The following POM121C variants were observed in gnomAD, a reference collection of about 807,000 sequenced individuals.
POM121C encodes the protein nuclear envelope pore membrane protein POM 121C.
POM121C carries 20 observed loss-of-function variants against 66.4 expected under a neutral mutation model. The ratio of observed to expected loss-of-function variants is 0.30; its 90% CI spans 0.21 to 0.44. The LOEUF (loss-of-function observed/expected upper bound fraction) is 0.44. Ranked by LOEUF, POM121C falls within the 20% of genes least tolerant of loss-of-function variation. The pLI is 1.00. For synonymous variants in POM121C, 286 were observed against 528.0 expected (o/e 0.54, Z 6.28); for missense variants, 580 against 1,225.7 (o/e 0.47, Z 7.87).
chr7:75,435,133 T>C (rs1790353190), intron 7 of POM121C, among the ~76,000 whole-genome samples: 1 of 152,236 alleles, frequency 6.6e-6, no homozygotes, highest in Non-Finnish European at 1.5e-5. Flanking sequence ...ATGTATTCTT[T>C]GCAGCATTAT....
intron 1 of POM121C, among the ~76,000 whole-genome samples, chr7:75,483,974 C>T (rs1306424032): frequency 1.2e-4 from 19 of 152,132 alleles, no homozygotes; most frequent in Admixed American, 1.3e-4. Flanking sequence ...TGGTGGCCCA[C>T]GCCTGTAATC....
chr7:75,461,173 G>A (rs1286004784), intron 3 of POM121C, among the ~76,000 whole-genome samples: 4 of 152,070 alleles, frequency 2.6e-5, no homozygotes, highest in South Asian at 2.1e-4. Context: ...TCATTACATT[G>A]TAACACTTAA....
At position 75,422,107 on chromosome 7, in the gene POM121C, C is replaced by T. The variant is rs587637748; in HGVS notation, c.2145G>A (p.Pro715=). 5.9e-4 allele frequency: 941 copies of T among 1,602,688 alleles called. 4 individuals are homozygous for T. In the East Asian group the frequency reaches 0.016, roughly 27 times the overall value. ...GGGTAAGGGCTGGCTTGGCGGCCCC[C>T]GGTGGCTGCCCCTCAGCGGCCCCAA... The part of the protein sequence containing the change: ...PAFGAAEGQP[P]GAAKPALTPS... The change falls in exon 13 of 15, where the codon CCG becomes CCA. Residue 715 remains proline (P), a synonymous_variant. Coordinates refer to ENST00000615331, the MANE Select transcript of POM121C (RefSeq NM_001099415.3).
chr7:75,454,598 A>G (rs1198966329), intron 3 of POM121C, among the ~76,000 whole-genome samples: 3 of 152,226 alleles, frequency 2.0e-5, no homozygotes, highest in Admixed American at 1.3e-4. Flanking sequence ...ATCTGGTGAC[A>G]GTAGGGAAAA....
Position 75,485,894 on chromosome 7 carries a change from G to C in POM121C, c.-488C>G, listed in dbSNP as rs1396100298. The C allele has an allele frequency of 4.0e-6, 2 of 503,468 alleles. No homozygotes were observed. The highest frequency in any genetic ancestry group is 2.1e-5 in the African/African-American group (1 of 48,702). 31.2% of individuals were successfully genotyped at this position (503,468 alleles called of 1,614,324 possible). A position where few individuals can be genotyped will look rare whatever the true frequency, so the allele number is the denominator to read the frequency against. ...TGGGGCTCCGCAGCCTCTGCCCCAC[G>C]GCTCCCGAGAGGCCGGGGCGGGCTG... On this transcript the variant is annotated 5_prime_UTR_variant, in exon 1 of 15. Coordinates refer to ENST00000615331, the MANE Select transcript of POM121C (RefSeq NM_001099415.3).
At chr7:75,478,433 A>T (rs1792177128) in intron 1 of POM121C, among the ~76,000 whole-genome samples, 1 of 151,548 alleles carries the variant, frequency 6.6e-6, no homozygotes, top group Admixed American at 6.6e-5. Flanking sequence ...TGGGATGGGA[A>T]AATGGGCAGG....
chr7:75,421,306 G>A (rs1421192690), intron 13 of POM121C: 5 of 1,334,212 alleles, frequency 3.7e-6, no homozygotes, highest in Admixed American at 2.8e-5. Flanking sequence ...TACTCAGAAG[G>A]CCTTTGACCA....
intron 3 of POM121C, among the ~76,000 whole-genome samples, chr7:75,444,210 C>G (rs1262008718): frequency 8.5e-6 from 1 of 117,694 alleles, no homozygotes; most frequent in Non-Finnish European, 1.7e-5. Context: ...AGTAATTCTT[C>G]TATTTAATAT....
chr7:75,482,984 T>G (rs1368892841), intron 1 of POM121C, among the ~76,000 whole-genome samples: 4 of 152,012 alleles, frequency 2.6e-5, no homozygotes, highest in African/African-American at 9.7e-5. Flanking sequence ...AATGAGGAAA[T>G]CTTCACAAGA....
At chr7:75,456,583 G>A (rs6946856) in intron 3 of POM121C, among the ~76,000 whole-genome samples, 10,023 of 151,844 alleles carry the variant, frequency 0.066, 109 homozygotes, top group African/African-American at 0.23. Flanking sequence ...CAGTGGCTGC[G>A]GTGCAGGCTC....
rs1277898048 is a variant in POM121C, at chr7:75,419,347, G to C, written c.2839C>G (p.Gln947Glu). 2.0e-5 allele frequency: 33 copies of C among 1,613,518 alleles called. No individual in the cohort carries two copies. The highest frequency in any genetic ancestry group is 2.7e-5 in the Non-Finnish European group (32 of 1,179,722). ...LSFGASSAPAQGFVGVGPFGS... is the reference protein window; with the variant it reads ...LSFGASSAPAEGFVGVGPFGS... ...AACGGTCCAACACCAACAAAGCCTT[G>C]GGCGGGTGCTGAAGATGCCCCAAAG... Residue 947 changes from glutamine (Q) to glutamate (E), a missense_variant, in exon 14 of 15, where the codon CAA becomes GAA. Gln to Glu is a conservative substitution (Grantham distance 29). Transcript: ENST00000615331.
At chr7:75,441,206 G>A in intron 4 of POM121C, 91 bp from the exon 5 acceptor site, 3 of 1,563,562 alleles carry the variant, frequency 1.9e-6, no homozygotes, top group South Asian at 1.2e-5. Flanking sequence ...ACAGGCCAAA[G>A]TATAATTTAT....
intron 3 of POM121C, among the ~76,000 whole-genome samples, chr7:75,456,294 A>C (rs1400246476): frequency 6.6e-6 from 1 of 152,284 alleles, no homozygotes; most frequent in Non-Finnish European, 1.5e-5. Flanking sequence ...TGACTCTTGT[A>C]CTTTGGTGGG....
chr7:75,469,664 A>G (rs71554680), intron 3 of POM121C, among the ~76,000 whole-genome samples: 1 of 152,224 alleles, frequency 6.6e-6, no homozygotes, highest in African/African-American at 2.4e-5. Context: ...ATCCTCACCA[A>G]GGCATGACAT....
At chr7:75,461,887 A>T (rs1791457351) in intron 3 of POM121C, among the ~76,000 whole-genome samples, 1 of 151,356 alleles carries the variant, frequency 6.6e-6, no homozygotes, top group African/African-American at 2.4e-5. Context: ...GGGAAACTGG[A>T]AAACATATTG....
At chr7:75,432,957 G>A (rs1284880743) in intron 7 of POM121C, among the ~76,000 whole-genome samples, 1 of 152,220 alleles carries the variant, frequency 6.6e-6, no homozygotes, top group South Asian at 2.1e-4. Context: ...ACAGTAGACT[G>A]GGCACGGTGG....
intron 3 of POM121C, among the ~76,000 whole-genome samples, chr7:75,473,336 G>C (rs1791943366): frequency 6.6e-6 from 1 of 151,766 alleles, no homozygotes; most frequent in Admixed American, 6.6e-5. Flanking sequence ...GTGGAAAATG[G>C]GTTCTAAGAG....
At chr7:75,437,394 T>C in intron 7 of POM121C, 121 bp downstream of exon 7, 5 of 1,358,492 alleles carry the variant, frequency 3.7e-6, no homozygotes, top group Non-Finnish European at 4.0e-6. Context: ...GCTCAAGCAA[T>C]CCTCCCGCTT....
chr7:75,461,142 G>A (rs1305493412), intron 3 of POM121C, among the ~76,000 whole-genome samples: 3 of 152,084 alleles, frequency 2.0e-5, no homozygotes, highest in Admixed American at 6.6e-5. Context: ...CCAGGTGACT[G>A]AGAGAATCAC....
Sources: allele counts gnomAD v4.1 joint callset (sites outside exome capture counted in the v4.1 genomes callset), GRCh38; gene constraint gnomAD v4.1.1; transcripts MANE v1.5; gene names NCBI Gene and HGNC (gene_info 2026-07-23, HGNC 2026-07-21).